The following ZNF423 variants were observed in gnomAD, a reference collection of about 807,000 sequenced individuals.
ZNF423 encodes the protein zinc finger protein 423.
A neutral mutation model predicts 95.8 loss-of-function variants in ZNF423; 12 were observed. The ratio of observed to expected loss-of-function variants is 0.13; its 90% CI spans 0.08 to 0.20. The LOEUF (loss-of-function observed/expected upper bound fraction) is 0.20, where lower values mean the gene tolerates loss of function less well. ZNF423 is among the 10% of genes least tolerant of loss of function. The probability of loss-of-function intolerance (pLI) is 1.00; values close to 1 mark genes in which losing one functional copy is unlikely to be tolerated. For synonymous variants in ZNF423, 749 were observed against 711.9 expected (o/e 1.05, Z -0.83); for missense variants, 1,316 against 1,737.1 (o/e 0.76, Z 4.31).
chr16:49,501,785 C>T (rs1347977218), intron 7 of ZNF423, among the ~76,000 whole-genome samples: 1 of 152,158 alleles, frequency 6.6e-6, no homozygotes, highest in Non-Finnish European at 1.5e-5. Context: ...ACACAGAAAA[C>T]CAAATACCAC....
rs539272653 is a variant in ZNF423, at chr16:49,514,248, A to G, written c.3849+9376T>C. On this transcript the variant is annotated intron_variant, in intron 7 of 7. Coordinates refer to ENST00000563137, the MANE Select transcript of ZNF423 (RefSeq NM_001379286.1). The stretch of plus-strand genomic sequence containing the variant: ...CATGCGTACACACACACGCACACGC[A>G]CACACACACACACATGCACATACAC... 5.1e-5 allele frequency among the ~76,000 whole-genome samples: 7 copies of G among 137,884 alleles called. No individual in the cohort carries two copies. In the South Asian group the frequency reaches 6.6e-4, roughly 13 times the overall value. The allele number at this position is 137,884 out of a possible 152,430, so 90.5% of individuals were successfully genotyped here.
At chr16:49,691,329 G>A (rs970923167) in intron 3 of ZNF423, among the ~76,000 whole-genome samples, 1 of 152,248 alleles carries the variant, frequency 6.6e-6, no homozygotes, top group Non-Finnish European at 1.5e-5. Flanking sequence ...AACTTGGGCT[G>A]TTTGATCAGA....
At chr16:49,491,339 A>G (rs779999900) in intron 7 of ZNF423, 35 bp from the exon 8 acceptor site, 16 of 1,613,290 alleles carry the variant, frequency 9.9e-6, no homozygotes, top group Non-Finnish European at 1.4e-5. Context: ...CACATGAAGG[A>G]GAAGAATGGA....
At chr16:49,600,361 G>A (rs1017278114) in intron 5 of ZNF423, among the ~76,000 whole-genome samples, 1 of 151,810 alleles carries the variant, frequency 6.6e-6, no homozygotes. Context: ...AAATAAAAGG[G>A]GGCAGATCCT....
At chr16:49,630,661 G>A (rs970655832) in intron 4 of ZNF423, among the ~76,000 whole-genome samples, 2 of 152,114 alleles carry the variant, frequency 1.3e-5, no homozygotes, top group African/African-American at 4.8e-5. Context: ...AGGCATGCAG[G>A]GAACAGTCCA....
At chr16:49,498,988 G>A (rs1315451943) in intron 7 of ZNF423, among the ~76,000 whole-genome samples, 4 of 152,146 alleles carry the variant, frequency 2.6e-5, no homozygotes, top group Non-Finnish European at 5.9e-5. Flanking sequence ...GTGAGTGATG[G>A]CCAAGGTTCC....
intron 2 of ZNF423, among the ~76,000 whole-genome samples, chr16:49,732,954 C>G (rs2033203396): frequency 6.6e-6 from 1 of 152,200 alleles, no homozygotes; most frequent in Non-Finnish European, 1.5e-5. Context: ...TCTCTTCTTA[C>G]CAATTAAGGG....
chr16:49,829,631 C>T (rs151015980), intron 1 of ZNF423, among the ~76,000 whole-genome samples: 170 of 152,268 alleles, frequency 1.1e-3, no homozygotes, highest in African/African-American at 3.6e-3. Flanking sequence ...CAGCCCACTC[C>T]GCTGCACAGG....
chr16:49,541,458 A>G (rs1415563836), intron 5 of ZNF423, among the ~76,000 whole-genome samples: 1 of 152,218 alleles, frequency 6.6e-6, no homozygotes, highest in South Asian at 2.1e-4. Context: ...GAAGGGAATG[A>G]CTATATTTGT....
At chr16:49,621,964 C>A (rs1036510744) in intron 5 of ZNF423, among the ~76,000 whole-genome samples, 5 of 152,178 alleles carry the variant, frequency 3.3e-5, no homozygotes, top group African/African-American at 4.8e-5. Context: ...TTCTCAACAC[C>A]GCAGCCAGAT....
At chr16:49,807,494 G>A (rs1482169678) in intron 1 of ZNF423, among the ~76,000 whole-genome samples, 3 of 152,102 alleles carry the variant, frequency 2.0e-5, no homozygotes, top group Admixed American at 6.5e-5. Flanking sequence ...TGTAATGTCT[G>A]GTTCCAAACA....
At chr16:49,790,592 A>T (rs1300729272) in intron 1 of ZNF423, among the ~76,000 whole-genome samples, 1 of 152,182 alleles carries the variant, frequency 6.6e-6, no homozygotes, top group African/African-American at 2.4e-5. Flanking sequence ...GAGGGCAGTG[A>T]CCCCAACCCA....
intron 5 of ZNF423, among the ~76,000 whole-genome samples, chr16:49,565,215 C>T (rs1184638501): frequency 2.6e-5 from 4 of 152,216 alleles, no homozygotes; most frequent in Non-Finnish European, 5.9e-5. Flanking sequence ...AGTGCAAACC[C>T]ACACTTCGGC....
chr16:49,551,284 G>A (rs191438159), intron 5 of ZNF423, among the ~76,000 whole-genome samples: 3 of 152,286 alleles, frequency 2.0e-5, no homozygotes, highest in African/African-American at 7.2e-5. Flanking sequence ...CCAACGCTCC[G>A]CTTTTCTGCC....
chr16:49,686,078 G>A (rs970397578), intron 3 of ZNF423, among the ~76,000 whole-genome samples: 6 of 152,060 alleles, frequency 3.9e-5, no homozygotes, highest in Admixed American at 2.0e-4. Context: ...ATGCTTCCAC[G>A]CCTAGAAGAT....
At chr16:49,780,264 G>T (rs16947970) in intron 2 of ZNF423, among the ~76,000 whole-genome samples, 3 of 152,232 alleles carry the variant, frequency 2.0e-5, no homozygotes, top group African/African-American at 4.8e-5. Context: ...GCCAAGTACA[G>T]TGGAGCCCAA....
intron 1 of ZNF423, among the ~76,000 whole-genome samples, chr16:49,842,052 C>T (rs570447890): frequency 6.6e-5 from 10 of 151,926 alleles, no homozygotes; most frequent in African/African-American, 2.4e-4. Flanking sequence ...GCCTGGCCAA[C>T]ATAGCGAAAC....
intron 7 of ZNF423, among the ~76,000 whole-genome samples, chr16:49,506,791 T>C (rs1221618999): frequency 6.6e-6 from 1 of 151,410 alleles, no homozygotes; most frequent in Non-Finnish European, 1.5e-5. Flanking sequence ...GATGGATTGA[T>C]GGATGAGTGG....
chr16:49,765,958 A>G (rs2033921913), intron 2 of ZNF423, among the ~76,000 whole-genome samples: 1 of 152,186 alleles, frequency 6.6e-6, no homozygotes, highest in Non-Finnish European at 1.5e-5. Context: ...TAATGAGAAT[A>G]GAGTTTCACC....
Sources: gnomAD v4.1 joint callset for allele counts (sites outside exome capture counted in the v4.1 genomes callset) on GRCh38, gnomAD v4.1.1 for gene constraint, MANE v1.5 for transcripts, NCBI Gene and HGNC (gene_info 2026-07-23, HGNC 2026-07-21) for gene names.